Variants in MTAP observed in about 807,000 individuals in gnomAD.
The protein encoded by MTAP is methylthioadenosine phosphorylase.
In MTAP, 33 loss-of-function variants were observed where a neutral mutation model predicts 33.6. The ratio of observed to expected loss-of-function variants is 0.98; its 90% confidence interval spans 0.74 to 1.31. The LOEUF (loss-of-function observed/expected upper bound fraction) is 1.31. Ranked by LOEUF, MTAP falls within the 40% of genes most tolerant of loss-of-function variation. The probability of loss-of-function intolerance (pLI) is 0.00; values close to 1 mark genes in which losing one functional copy is unlikely to be tolerated. For missense variants in MTAP, 367 were observed against 360.0 expected, an observed-to-expected ratio of 1.02 and a Z score of -0.16; for synonymous variants, 148 against 125.7, an observed-to-expected ratio of 1.18 and a Z score of -1.19.
chr9:21,836,748 C>G (rs542893026), intron 4 of MTAP, among the ~76,000 whole-genome samples: 1 of 152,170 alleles, frequency 6.6e-6, no homozygotes, highest in East Asian at 1.9e-4. Flanking sequence ...GGGAGGAGCT[C>G]GGATGGGGTT....
At chr9:21,823,322 C>CT (rs1203288526) in intron 4 of MTAP, among the ~76,000 whole-genome samples, 2 of 152,280 alleles carry the variant, frequency 1.3e-5, no homozygotes, top group South Asian at 2.1e-4. Context: ...GTGACAAAAT[C>CT]CTCAGCATTT....
At chr9:21,841,137 G>GC (rs1825232894) in intron 5 of MTAP, among the ~76,000 whole-genome samples, 1 of 152,114 alleles carries the variant, frequency 6.6e-6, no homozygotes. Flanking sequence ...ACCTAACCCT[G>GC]CCCCAACCTG....
intron 1 of MTAP, among the ~76,000 whole-genome samples, chr9:21,902,963 G>T (rs904108692): frequency 6.6e-6 from 1 of 152,168 alleles, no homozygotes; most frequent in African/African-American, 2.4e-5. Context: ...CCACCAAAAT[G>T]TAAAGAATTT....
intron 1 of MTAP, among the ~76,000 whole-genome samples, chr9:21,915,246 G>A (rs1205584101): frequency 4.6e-5 from 7 of 151,046 alleles, no homozygotes; most frequent in South Asian, 2.1e-4. Flanking sequence ...CCGCCACCAC[G>A]CCCGGCTAAT....
intron 1 of MTAP, chr9:21,893,940 C>CACACAA (rs1195949856): frequency 6.6e-6 from 1 of 151,078 alleles, no homozygotes. Context: ...CACACACACA[C>CACACAA]ACACACACAC....
At chr9:21,880,526 A>G (rs1175420598) in intron 1 of MTAP, among the ~76,000 whole-genome samples, 1 of 152,106 alleles carries the variant, frequency 6.6e-6, no homozygotes, top group African/African-American at 2.4e-5. Flanking sequence ...ACTAAACGAC[A>G]ACTAGAACTA....
chr9:21,931,097 A>G, exon 2 of MTAP: 1 of 763,908 alleles, frequency 1.3e-6, no homozygotes, highest in Non-Finnish European at 2.4e-6. Flanking sequence ...TAGACTTCCC[A>G]TCAGTGGGAC....
rs1825764889 is a variant in MTAP at position 21,861,982 on chromosome 9, GC to G, written c.823del (p.Gln275SerfsTer32). 1 of 1,578,330 alleles carries G rather than the reference GC, an allele frequency of 6.3e-7. No individual in the cohort carries two copies. Among genetic ancestry groups the G allele is most frequent in the Non-Finnish European group, 8.7e-7 (1 of 1,148,110 alleles). ...SETLHNLKNMAQFSVLLPRH is the reference protein window; with the variant it reads ...SETLHNLKNMXQFSVLLPRH ...CCTCCTTTCTTCCTTTCAGAATATG[GC>G]CCAGTTTTCTGTTTTATTACCAAGA... On this transcript the variant is annotated frameshift_variant, in exon 8 of 8. Transcript: ENST00000644715. LOFTEE classifies it high-confidence loss of function.
chr9:21,834,767 C>T (rs115670845), intron 4 of MTAP, among the ~76,000 whole-genome samples: 7 of 152,222 alleles, frequency 4.6e-5, no homozygotes, highest in Admixed American at 2.0e-4. Flanking sequence ...TCCATTTGCT[C>T]TCTTAGTTCC....
At chr9:21,844,659 G>A (rs1354921293) in intron 5 of MTAP, among the ~76,000 whole-genome samples, 1 of 152,122 alleles carries the variant, frequency 6.6e-6, no homozygotes, top group Non-Finnish European at 1.5e-5. Flanking sequence ...TGCAGAAAAA[G>A]CATTTGACAC....
intron 4 of MTAP, among the ~76,000 whole-genome samples, chr9:21,820,784 A>G (rs201244809): frequency 6.6e-5 from 10 of 152,066 alleles, no homozygotes. Context: ...ATTTGTTTGT[A>G]TCCTCTTTTA....
At chr9:21,812,929 G>A (rs193062748) in intron 1 of MTAP, among the ~76,000 whole-genome samples, 3 of 152,288 alleles carry the variant, frequency 2.0e-5, no homozygotes, top group Admixed American at 2.0e-4. Flanking sequence ...TTCTTCGTTT[G>A]TAAAACGGGT....
rs1292343327 is a variant in MTAP, at chr9:21,826,611, TA to T, written c.347+8410del. 3.3e-3 allele frequency among the ~76,000 whole-genome samples: 82 copies of T among 25,082 alleles called. No homozygotes were observed. In the East Asian group the frequency reaches 0.15, roughly 47 times the overall value. The allele number at this position is 25,082 out of a possible 152,430, so 16.5% of individuals were successfully genotyped here. ...GTGCCAGAGGTGCTGGGGTTTTGTT[TA>T]TTATTATTATTATTATTATTATTAT... is the stretch of plus-strand genomic sequence containing the variant. On this transcript the variant is annotated intron_variant, in intron 4 of 7. Transcript: ENST00000644715.
chr9:21,842,846 C>G (rs930221338), intron 5 of MTAP, among the ~76,000 whole-genome samples: 1 of 152,068 alleles, frequency 6.6e-6, no homozygotes, highest in Non-Finnish European at 1.5e-5. Context: ...AACAATAATA[C>G]AATGGTGAAA....
chr9:21,896,803 A>T (rs1236177456), intron 1 of MTAP, among the ~76,000 whole-genome samples: 1 of 152,238 alleles, frequency 6.6e-6, no homozygotes, highest in Non-Finnish European at 1.5e-5. Flanking sequence ...TACCAGAAGT[A>T]CAAAGAGGAG....
At chr9:21,804,199 A>G (rs1397224382) in intron 1 of MTAP, among the ~76,000 whole-genome samples, 1 of 152,242 alleles carries the variant, frequency 6.6e-6, no homozygotes, top group African/African-American at 2.4e-5. Context: ...GGTAGTGCTT[A>G]TAAGTGGGGG....
downstream of MTAP, among the ~76,000 whole-genome samples, chr9:21,871,975 G>A (rs1222787396): frequency 6.6e-6 from 1 of 152,140 alleles, no homozygotes; most frequent in African/African-American, 2.4e-5. Flanking sequence ...AGGTAATTCA[G>A]TAAAACCAGT....
At chr9:21,901,028 T>TGAGA (rs1818384183) in intron 1 of MTAP, among the ~76,000 whole-genome samples, 1 of 152,038 alleles carries the variant, frequency 6.6e-6, no homozygotes, top group Non-Finnish European at 1.5e-5. Flanking sequence ...GGATGCAGAG[T>TGAGA]GAGAGGAGAG....
downstream of MTAP, among the ~76,000 whole-genome samples, chr9:21,937,893 A>C (rs1819066549): frequency 1.3e-5 from 2 of 152,168 alleles, no homozygotes. Context: ...TAATTCTAGC[A>C]CTTTGGGAGG....
Sources: allele counts gnomAD v4.1 joint callset (sites outside exome capture counted in the v4.1 genomes callset), GRCh38; gene constraint gnomAD v4.1.1; transcripts MANE v1.5; gene names NCBI Gene and HGNC (gene_info 2026-07-23, HGNC 2026-07-21).